The following PCTP variants were observed in gnomAD, a reference collection of about 807,000 sequenced individuals.
PCTP encodes the protein START domain-containing protein 2.
In PCTP, 27 loss-of-function variants were observed where a neutral mutation model predicts 31.0. The observed-to-expected ratio is 0.87, with a 90% CI of 0.64 to 1.20. PCTP has a LOEUF of 1.20. Ranked by LOEUF, PCTP falls within the 50% of genes most tolerant of loss-of-function variation. PCTP has a pLI of 0.00. For missense variants in PCTP, 287 were observed against 268.2 expected (o/e 1.07, Z -0.49); for synonymous variants, 108 against 101.2 (o/e 1.07, Z -0.40).
chr17:55,806,607 G>C (rs966679642), intron 3 of PCTP, among the ~76,000 whole-genome samples: 2 of 152,084 alleles, frequency 1.3e-5, no homozygotes, highest in African/African-American at 4.8e-5. Context: ...GATAACTTGA[G>C]AATTCTCTCA....
chr17:55,758,061 C>T (rs147357368), intron 1 of PCTP, among the ~76,000 whole-genome samples: 148 of 152,308 alleles, frequency 9.7e-4, no homozygotes, highest in African/African-American at 3.4e-3. Flanking sequence ...CTTGCAGGAA[C>T]TTCAGGCTTC....
intron 3 of PCTP, among the ~76,000 whole-genome samples, chr17:55,813,048 C>G (rs1912805194): frequency 6.6e-6 from 1 of 152,084 alleles, no homozygotes; most frequent in Admixed American, 6.6e-5. Context: ...TTCCTCACTT[C>G]TTGGTACCAA....
At chr17:55,812,843 C>T (rs996137863) in intron 3 of PCTP, among the ~76,000 whole-genome samples, 3 of 152,194 alleles carry the variant, frequency 2.0e-5, no homozygotes, top group African/African-American at 7.2e-5. Flanking sequence ...GAATTCACAG[C>T]CCTGTCACTC....
At chr17:55,798,493 A>T (rs1448681910) in intron 3 of PCTP, among the ~76,000 whole-genome samples, 1 of 152,034 alleles carries the variant, frequency 6.6e-6, no homozygotes, top group Non-Finnish European at 1.5e-5. Context: ...AAGGAAAAAA[A>T]GATATGTTAG....
At position 55,841,733 on chromosome 17, in the gene PCTP, C is replaced by T. The variant is rs561431623; in HGVS notation, n.506-994C>T. Reference sequence around the variant, plus strand: ...GGAAGAATCTCAATTCCAATCAGTCCTCTGTGATTCCACAAGGAATTTTTA... The same window carrying T: ...GGAAGAATCTCAATTCCAATCAGTCTTCTGTGATTCCACAAGGAATTTTTA... On this transcript the variant is annotated intron_variant and non_coding_transcript_variant, in intron 5 of 5. Transcript: ENST00000576221. Among the ~76,000 whole-genome samples the T allele has an allele frequency of 1.4e-4, 21 of 152,150 alleles. 1 individual carries two copies. Among genetic ancestry groups the T allele is most frequent in the Admixed American group, 2.6e-4 (4 of 15,284 alleles).
chr17:55,798,220 G>A (rs141968344), intron 3 of PCTP, among the ~76,000 whole-genome samples: 4 of 152,088 alleles, frequency 2.6e-5, no homozygotes, highest in Non-Finnish European at 5.9e-5. Flanking sequence ...GGGTCTAAGA[G>A]ATATATGGGA....
downstream of PCTP, chr17:55,823,097 G>T (rs1598018149): frequency 8.5e-6 from 2 of 235,454 alleles, no homozygotes; most frequent in East Asian, 1.5e-4. Flanking sequence ...TGCCCTCTTG[G>T]AGCTCGCATT....
intron 3 of PCTP, among the ~76,000 whole-genome samples, chr17:55,792,265 C>T (rs1422172713): frequency 1.4e-4 from 21 of 150,024 alleles, no homozygotes; most frequent in African/African-American, 5.2e-4. Context: ...ATGTAACTAA[C>T]CTGCACATTG....
chr17:55,756,858 C>G (rs1910053195), intron 1 of PCTP, among the ~76,000 whole-genome samples: 1 of 152,108 alleles, frequency 6.6e-6, no homozygotes, highest in Non-Finnish European at 1.5e-5. Context: ...CTGAGCTTGC[C>G]TCATTTTCCA....
intron 5 of PCTP, among the ~76,000 whole-genome samples, chr17:55,838,492 G>A (rs1905849278): frequency 6.6e-6 from 1 of 152,074 alleles, no homozygotes; most frequent in African/African-American, 2.4e-5. Flanking sequence ...CTCCATGTTC[G>A]TGCTTGTTGC....
chr17:55,826,781 T>C (rs923613268), downstream of PCTP, among the ~76,000 whole-genome samples: 1 of 152,220 alleles, frequency 6.6e-6, no homozygotes, highest in African/African-American at 2.4e-5. Flanking sequence ...ATCCTTCACA[T>C]GCTCTTTCTT....
chr17:55,768,335 C>A (rs1017074101), intron 2 of PCTP, among the ~76,000 whole-genome samples: 2 of 151,970 alleles, frequency 1.3e-5, no homozygotes, highest in African/African-American at 4.8e-5. Context: ...TCTAGGTTGT[C>A]ATGAAAGGGG....
chr17:55,807,505 C>T (rs1912612339), intron 3 of PCTP, among the ~76,000 whole-genome samples: 1 of 152,120 alleles, frequency 6.6e-6, no homozygotes, highest in Non-Finnish European at 1.5e-5. Flanking sequence ...CCTTATTTTT[C>T]TCCCTATTCA....
intron 1 of PCTP, among the ~76,000 whole-genome samples, chr17:55,753,580 A>G (rs1909831202): frequency 6.6e-6 from 1 of 152,196 alleles, no homozygotes; most frequent in Admixed American, 6.5e-5. Context: ...GTCTGCCTCC[A>G]GTCCTGTGTC....
At chr17:55,850,890 T>C in the PCTP span, among the ~76,000 whole-genome samples, 1 of 152,222 alleles carries the variant, frequency 6.6e-6, no homozygotes, top group African/African-American at 2.4e-5. Context: ...ATTGGCATCA[T>C]GTTCTAATTT....
chr17:55,778,210 C>CAA (rs57503627), downstream of PCTP, among the ~76,000 whole-genome samples: 17,518 of 111,310 alleles, frequency 0.16, 1,145 homozygotes, highest in Middle Eastern at 0.23. Context: ...GTGCCAAAGT[C>CAA]AAAAAAAAAA....
chr17:55,815,976 T>C (rs1479727775), intron 3 of PCTP, among the ~76,000 whole-genome samples: 1 of 152,156 alleles, frequency 6.6e-6, no homozygotes, highest in Non-Finnish European at 1.5e-5. Context: ...GTTTTGGATT[T>C]CCCTTGGCAT....
At chr17:55,838,239 C>T (rs1905842065) in intron 5 of PCTP, among the ~76,000 whole-genome samples, 1 of 152,132 alleles carries the variant, frequency 6.6e-6, no homozygotes, top group Admixed American at 6.5e-5. Context: ...GACAGAATTC[C>T]TTAATACAGC....
intron 3 of PCTP, among the ~76,000 whole-genome samples, chr17:55,822,592 T>C (rs1567731093): frequency 1.3e-5 from 2 of 152,170 alleles, no homozygotes. Flanking sequence ...CATAACACAA[T>C]TTAAGAATAT....
Sources: allele counts gnomAD v4.1 joint callset (sites outside exome capture counted in the v4.1 genomes callset), GRCh38; gene constraint gnomAD v4.1.1; transcripts MANE v1.5; gene names NCBI Gene and HGNC (gene_info 2026-07-23, HGNC 2026-07-21).